Variants in RPSA2 observed in about 807,000 individuals in gnomAD.
The protein encoded by RPSA2 is ribosomal protein SA 2.
the RPSA2 span, among the ~76,000 whole-genome samples, chr19:23,775,657 A>G: frequency 6.6e-6 from 1 of 152,220 alleles, no homozygotes; most frequent in Non-Finnish European, 1.5e-5. Flanking sequence ...GACAGTCACA[A>G]GTTGGAAAAT....
chr19:23,762,325 A>G, the RPSA2 span, among the ~76,000 whole-genome samples: 1 of 151,914 alleles, frequency 6.6e-6, no homozygotes, highest in Non-Finnish European at 1.5e-5. Flanking sequence ...CGGCATGGTG[A>G]GAGAGGCGCT....
At chr19:23,785,706 C>G in the RPSA2 span, among the ~76,000 whole-genome samples, 1 of 151,956 alleles carries the variant, frequency 6.6e-6, no homozygotes, top group Non-Finnish European at 1.5e-5. Context: ...GGTGATGTTA[C>G]TCTCCTCCTT....
chr19:23,826,832 C>T, the RPSA2 span, among the ~76,000 whole-genome samples: 3 of 151,906 alleles, frequency 2.0e-5, no homozygotes, highest in African/African-American at 7.3e-5. Flanking sequence ...ATTACAGGCA[C>T]GTGCCAACAC....
At chr19:23,841,753 G>A in the RPSA2 span, among the ~76,000 whole-genome samples, 1 of 152,184 alleles carries the variant, frequency 6.6e-6, no homozygotes, top group Admixed American at 6.5e-5. Flanking sequence ...CTGTTCACCT[G>A]TCTGTGTACT....
chr19:23,771,327 G>A, the RPSA2 span, among the ~76,000 whole-genome samples: 2 of 152,320 alleles, frequency 1.3e-5, no homozygotes, highest in East Asian at 3.9e-4. Context: ...CAGCACATGT[G>A]TGAGTTGTTG....
chr19:23,868,277 A>T, the RPSA2 span, among the ~76,000 whole-genome samples: 1 of 152,184 alleles, frequency 6.6e-6, no homozygotes, highest in Non-Finnish European at 1.5e-5. Context: ...GCCTTCTATT[A>T]ATCAGAGACA....
the RPSA2 span, chr19:23,833,352 G>A: frequency 6.8e-6 from 2 of 292,762 alleles, no homozygotes; most frequent in Non-Finnish European, 1.1e-5. Flanking sequence ...ATTCTTTACA[G>A]ACATAAGGTT....
the RPSA2 span, among the ~76,000 whole-genome samples, chr19:23,812,857 G>A: frequency 6.6e-6 from 1 of 152,126 alleles, no homozygotes; most frequent in East Asian, 1.9e-4. Context: ...TTATAATTTG[G>A]TATTTTTTTC....
At chr19:23,767,534 C>T in the RPSA2 span, among the ~76,000 whole-genome samples, 1 of 152,070 alleles carries the variant, frequency 6.6e-6, no homozygotes, top group African/African-American at 2.4e-5. Flanking sequence ...TAAGGCAATG[C>T]AAGAACCTGC....
At chr19:23,806,808 A>T in the RPSA2 span, among the ~76,000 whole-genome samples, 1 of 149,766 alleles carries the variant, frequency 6.7e-6, no homozygotes, top group Non-Finnish European at 1.5e-5. Context: ...AAAAAAAAAA[A>T]TTACCAGGAG....
the RPSA2 span, chr19:23,790,914 C>T: frequency 0.99 from 444,791 of 448,770 alleles, 220,555 homozygotes; most frequent in East Asian, 1. Flanking sequence ...GGTTGGCATC[C>T]GTCCCCTGCA....
At chr19:23,806,043 CT>C in the RPSA2 span, among the ~76,000 whole-genome samples, 1 of 58,202 alleles carries the variant, frequency 1.7e-5, no homozygotes, top group African/African-American at 4.9e-5. Flanking sequence ...ATCCTTCTTT[CT>C]TTCTTTTTTT....
the RPSA2 span, among the ~76,000 whole-genome samples, chr19:23,852,177 T>G: frequency 1.3e-5 from 2 of 152,164 alleles, no homozygotes; most frequent in Non-Finnish European, 2.9e-5. Context: ...CAATGAAGCC[T>G]CAGGGGTCAA....
chr19:23,816,000 T>TG, the RPSA2 span, among the ~76,000 whole-genome samples: 1 of 151,880 alleles, frequency 6.6e-6, no homozygotes, highest in East Asian at 1.9e-4. Flanking sequence ...TAGTTGTTTT[T>TG]TTTTTCGCTC....
the RPSA2 span, among the ~76,000 whole-genome samples, chr19:23,805,208 A>G: frequency 6.6e-6 from 1 of 151,640 alleles, no homozygotes; most frequent in Non-Finnish European, 1.5e-5. Context: ...CTTGTTGCCC[A>G]GGCTGGAGTG....
At chr19:23,801,279 C>T in the RPSA2 span, among the ~76,000 whole-genome samples, 1 of 119,982 alleles carries the variant, frequency 8.3e-6, no homozygotes, top group Non-Finnish European at 1.8e-5. Flanking sequence ...CTTGCTCTGT[C>T]ACCAGGCTGG....
chr19:23,822,582 T>A, the RPSA2 span, among the ~76,000 whole-genome samples: 1 of 152,086 alleles, frequency 6.6e-6, no homozygotes. Flanking sequence ...GACCTGGCCC[T>A]GTTCATCATA....
chr19:23,869,578 C>A, the RPSA2 span, among the ~76,000 whole-genome samples: 1 of 152,128 alleles, frequency 6.6e-6, no homozygotes, highest in Non-Finnish European at 1.5e-5. Context: ...AGAGGAAAAT[C>A]AGAAATCATG....
chr19:23,837,838 G>T, the RPSA2 span, among the ~76,000 whole-genome samples: 1 of 152,102 alleles, frequency 6.6e-6, no homozygotes, highest in South Asian at 2.1e-4. Context: ...GTCAGTTCTA[G>T]GAGCTTTCTG....
Sources: gnomAD v4.1 joint callset for allele counts (sites outside exome capture counted in the v4.1 genomes callset) on GRCh38, gnomAD v4.1.1 for gene constraint, MANE v1.5 for transcripts, NCBI Gene and HGNC (gene_info 2026-07-23, HGNC 2026-07-21) for gene names.